Variants in CCAR1 observed in about 807,000 individuals in gnomAD.
The protein encoded by CCAR1 is cell division cycle and apoptosis regulator 1, also known as cell division cycle and apoptosis regulator protein 1.
In CCAR1, 78 loss-of-function variants were observed where a neutral mutation model predicts 163.8. The ratio of observed to expected loss-of-function variants is 0.48; its 90% CI spans 0.40 to 0.57. CCAR1 has a LOEUF of 0.57. Among genes scored for constraint, CCAR1 ranks in the 20% least tolerant of loss-of-function variants. CCAR1 has a pLI of 0.00. For synonymous variants in CCAR1, 443 were observed against 460.7 expected (o/e 0.96, Z 0.49); for missense variants, 1,019 against 1,365.2 (o/e 0.75, Z 4.00).
At chr10:68,740,565 A>C (rs574155211) in intron 4 of CCAR1, 64 bp from the exon 5 acceptor site, 3 of 1,193,208 alleles carry the variant, frequency 2.5e-6, no homozygotes, top group Admixed American at 3.9e-5. Flanking sequence ...TCTTTTATGA[A>C]GCATCTATGA....
intron 16 of CCAR1, among the ~76,000 whole-genome samples, chr10:68,765,661 T>C (rs2056526985): frequency 6.6e-6 from 1 of 152,196 alleles, no homozygotes; most frequent in Non-Finnish European, 1.5e-5. Flanking sequence ...CAGTTTCTTA[T>C]GCTGGGAAAT....
chr10:68,742,693 G>T, intron 6 of CCAR1, 124 bp downstream of exon 6: 1 of 743,558 alleles, frequency 1.3e-6, no homozygotes, highest in East Asian at 2.6e-5. Flanking sequence ...TCGACTCACT[G>T]CAGCCTCTGC....
At chr10:68,733,656 T>A (rs1373472646) in intron 2 of CCAR1, among the ~76,000 whole-genome samples, 3 of 152,028 alleles carry the variant, frequency 2.0e-5, no homozygotes, top group African/African-American at 7.2e-5. Context: ...TAAGAATTTT[T>A]AAAATTTATT....
rs541289122 is a variant in CCAR1, at chr10:68,763,169, T to C, written c.2106+1977T>C. 3.9e-5 allele frequency among the ~76,000 whole-genome samples: 6 copies of C among 152,338 alleles called. No homozygotes were observed. The East Asian group carries it at 1.2e-3, about 29-fold the overall frequency. On this transcript the variant is annotated intron_variant, in intron 16 of 24. Transcript: ENST00000265872. ...TATTTGTTTATTTATTTATTTATTT[T>C]GAGACGGAGTCTCGCCCTGTTGCCA...
intron 8 of CCAR1, among the ~76,000 whole-genome samples, chr10:68,748,269 A>G (rs536494320): frequency 6.6e-6 from 1 of 152,110 alleles, no homozygotes; most frequent in South Asian, 2.1e-4. Context: ...TCGTGGTGGC[A>G]GGCGCCTGTA....
intron 13 of CCAR1, among the ~76,000 whole-genome samples, 170 bp downstream of exon 13, chr10:68,755,706 T>C (rs956408834): frequency 6.6e-6 from 1 of 152,204 alleles, no homozygotes; most frequent in African/African-American, 2.4e-5. Context: ...CCAAAATGTT[T>C]TGGGGGAAAA....
chr10:68,737,286 T>C (rs548466414), intron 3 of CCAR1, among the ~76,000 whole-genome samples: 1 of 152,056 alleles, frequency 6.6e-6, no homozygotes, highest in Admixed American at 6.6e-5. Context: ...GGGAGGATCG[T>C]CTGAGCCCGG....
At chr10:68,772,756 TC>T (rs1197925135) in intron 18 of CCAR1, among the ~76,000 whole-genome samples, 3 of 135,054 alleles carry the variant, frequency 2.2e-5, no homozygotes, top group East Asian at 4.1e-4. Context: ...AGACTCCATC[TC>T]AAAAAAAAAA....
intron 2 of CCAR1, among the ~76,000 whole-genome samples, chr10:68,723,385 T>C (rs1047184211): frequency 2.7e-5 from 4 of 150,866 alleles, no homozygotes. Flanking sequence ...CGCCTCGGCC[T>C]CCCGAAGTGC....
intron 19 of CCAR1, among the ~76,000 whole-genome samples, chr10:68,774,360 G>C (rs768205943): frequency 5.1e-4 from 77 of 152,220 alleles, no homozygotes; most frequent in Non-Finnish European, 8.2e-4. Flanking sequence ...ATTTGGGGCT[G>C]GGTGTGCTGG....
At chr10:68,753,587 C>G (rs2056362851) in intron 10 of CCAR1, among the ~76,000 whole-genome samples, 2 of 152,094 alleles carry the variant, frequency 1.3e-5, no homozygotes, top group Admixed American at 1.3e-4. Flanking sequence ...AGCTGAGATT[C>G]AAGTTATTTC....
chr10:68,742,389 T>G lies in CCAR1; in HGVS notation c.338T>G (p.Leu113Arg), dbSNP rs1384822699. ...QTLLTQPAVALPTSLSLSTPQ... is the reference protein window; with the variant it reads ...QTLLTQPAVARPTSLSLSTPQ... The stretch of plus-strand genomic sequence containing the variant: ...TTTGTTTTATAGCCAGCTGTTGCAC[T>G]GCCTACAAGCCTTAGCCTGTCTACT... The change falls in exon 6 of 25, where the codon CTG (leucine) becomes CGG (arginine). Residue 113 changes from leucine to arginine, a missense_variant. By Grantham distance (102) the Leu-to-Arg change is moderately radical (BLOSUM62 -2). Transcript: ENST00000265872. The G allele has an allele frequency of 6.3e-7, 1 of 1,598,628 alleles. No individual in the cohort carries two copies. The highest frequency in any genetic ancestry group is 8.5e-7 in the Non-Finnish European group (1 of 1,172,688).
At chr10:68,769,756 A>G (rs1056963315) in intron 17 of CCAR1, among the ~76,000 whole-genome samples, 6 of 151,474 alleles carry the variant, frequency 4.0e-5, no homozygotes, top group Non-Finnish European at 8.8e-5. Flanking sequence ...CCTGGCTAAC[A>G]CGGTGAAACC....
At position 68,731,776 on chromosome 10, in the gene CCAR1, A is replaced by G. The variant is rs374292364; in HGVS notation, c.74-5100A>G. Among the ~76,000 whole-genome samples, 362 of 151,880 alleles carry G rather than the reference A, an allele frequency of 2.4e-3. 2 individuals carry two copies. Among genetic ancestry groups the G allele is most frequent in the African/African-American group, 7.9e-3 (326 of 41,428 alleles). On this transcript the variant is annotated intron_variant, in intron 2 of 24. Coordinates refer to ENST00000265872, the MANE Select transcript of CCAR1 (RefSeq NM_018237.4). Reference sequence around the variant, plus strand: ...TGGCTAATTTTTGTATTTTGAGTAGAGATGGGGTTTCGCCATGTTTGCCAG... The same window carrying G: ...TGGCTAATTTTTGTATTTTGAGTAGGGATGGGGTTTCGCCATGTTTGCCAG...
At chr10:68,767,824 C>T (rs551500278) in intron 17 of CCAR1, among the ~76,000 whole-genome samples, 1 of 152,294 alleles carries the variant, frequency 6.6e-6, no homozygotes, top group Non-Finnish European at 1.5e-5. Flanking sequence ...TAGCCTGTAT[C>T]ATTATTTAGA....
intron 17 of CCAR1, among the ~76,000 whole-genome samples, chr10:68,770,729 G>A (rs2056591267): frequency 6.6e-6 from 1 of 151,902 alleles, no homozygotes; most frequent in African/African-American, 2.4e-5. Flanking sequence ...GGTGACAGAG[G>A]AAGACTCTGT....
At chr10:68,744,821 A>AT (rs1407983713) in intron 6 of CCAR1, among the ~76,000 whole-genome samples, 1 of 151,366 alleles carries the variant, frequency 6.6e-6, no homozygotes, top group Non-Finnish European at 1.5e-5. Flanking sequence ...TAGGAGGTAT[A>AT]TCTACTTAAC....
chr10:68,740,227 T>A (rs1232873118), intron 4 of CCAR1, among the ~76,000 whole-genome samples: 1 of 152,132 alleles, frequency 6.6e-6, no homozygotes, highest in Non-Finnish European at 1.5e-5. Flanking sequence ...ATAATAACAA[T>A]AACAAAAAAA....
chr10:68,771,523 A>C, intron 18 of CCAR1, 78 bp downstream of exon 18: 3 of 1,303,178 alleles, frequency 2.3e-6, no homozygotes, highest in Non-Finnish European at 3.2e-6. Context: ...TTCCATCAGA[A>C]TATTAGATGT....
Sources: allele counts gnomAD v4.1 joint callset (sites outside exome capture counted in the v4.1 genomes callset), GRCh38; gene constraint gnomAD v4.1.1; transcripts MANE v1.5; gene names NCBI Gene and HGNC (gene_info 2026-07-23, HGNC 2026-07-21).